Variants in APEH observed in about 807,000 individuals in gnomAD.
APEH encodes the protein acylaminoacyl-peptide hydrolase, also known as acylamino-acid-releasing enzyme.
In APEH, 75 loss-of-function variants were observed where a neutral mutation model predicts 102.7. That is an observed-to-expected ratio of 0.73 (90% CI 0.61 to 0.89). APEH has a LOEUF of 0.89. Among genes scored for constraint, APEH ranks in the 40% least tolerant of loss-of-function variants. APEH has a pLI of 0.00. For missense variants in APEH, 863 were observed against 941.2 expected (o/e 0.92, Z 1.09); for synonymous variants, 344 against 362.7 (o/e 0.95, Z 0.59).
chr3:49,673,829 ACGCT>A (rs1490115116), upstream of APEH, among the ~76,000 whole-genome samples: 1 of 144,882 alleles, frequency 6.9e-6, no homozygotes, highest in African/African-American at 2.8e-5. Context: ...GCTCACGCTC[ACGCT>A]CACGCTCACA....
chr3:49,679,054 CTCA>C lies in APEH; in HGVS notation c.1158+109_1158+111del. 1.1e-6 allele frequency: 1 copy of C among 908,090 alleles called. No homozygotes were observed. Among genetic ancestry groups the C allele is most frequent in the Non-Finnish European group, 1.7e-6 (1 of 589,884 alleles). 56.3% of individuals were successfully genotyped at this position (908,090 alleles called of 1,614,324 possible). On this transcript the variant is annotated intron_variant, in intron 12 of 21. Transcript: ENST00000296456. This position sits in a 1 kb window ranked among gnomAD's most constrained non-coding sequence, Gnocchi z 4.3. Reference sequence around the variant, plus strand: ...TGGGTGGAATGCCCAGCCACAAAGTCTCATCAGCCCCTTAAAACCCTGCCTGCC... The same window carrying C: ...TGGGTGGAATGCCCAGCCACAAAGTCTCAGCCCCTTAAAACCCTGCCTGCC...
In APEH at chr3:49,683,653, T is replaced by G; in HGVS notation, c.*311T>G. The G allele has an allele frequency of 2.1e-6, 1 of 465,872 alleles. No individual in the cohort carries two copies. Among genetic ancestry groups the G allele is most frequent in the Non-Finnish European group, 3.9e-6 (1 of 255,136 alleles). The allele number at this position is 465,872 out of a possible 1,614,324, so 28.9% of individuals were successfully genotyped here. A position where few individuals can be genotyped will look rare whatever the true frequency, so the allele number is the denominator to read the frequency against. On this transcript the variant is annotated 3_prime_UTR_variant, in exon 22 of 22. Coordinates refer to ENST00000296456, the MANE Select transcript of APEH (RefSeq NM_001640.4). The stretch of plus-strand genomic sequence containing the variant: ...GGAGGGAACAGTGAGAGGCTTAGCC[T>G]CTGCCTGTCCTGGCAACCAGGACTC...
Position 49,681,859 on chromosome 3 carries a change from C to A in APEH, c.1523-28C>A, listed in dbSNP as rs772967656. The A allele has an allele frequency of 1.9e-6, 3 of 1,611,618 alleles. No homozygotes were observed. In the South Asian group the frequency reaches 3.3e-5, roughly 18 times the overall value. ...CCTCCCAGCCCTCTTCCTAGCTGGC[C>A]CTTTCACCCTCCGCTCCCTGTCTGC... On this transcript the variant is annotated intron_variant, in intron 16 of 21. Transcript: ENST00000296456.
chr3:49,681,972 G>C lies in APEH; in HGVS notation c.1603+5G>C, dbSNP rs1260112031. 1 of 1,612,276 alleles carries C rather than the reference G, an allele frequency of 6.2e-7. No individual in the cohort carries two copies. The highest frequency in any genetic ancestry group is 1.7e-5 in the Admixed American group (1 of 60,024). On this transcript the variant is annotated splice_donor_5th_base_variant and intron_variant, in intron 17 of 21. Coordinates refer to ENST00000296456, the MANE Select transcript of APEH (RefSeq NM_001640.4). Reference sequence around the variant, plus strand: ...TGGGCTTTGCGGTACTACTAGGTGAGTGAGCAGGGACCCACAGTTCTGTTA... The same window carrying C: ...TGGGCTTTGCGGTACTACTAGGTGACTGAGCAGGGACCCACAGTTCTGTTA...
chr3:49,675,628 G>T lies in APEH; in HGVS notation c.273-66G>T, dbSNP rs2052997964. ...CTCAAGAATCTCTCCTAAGAGGTGT[G>T]CCCAGTAGGGAGCAGGAAGGGGTTA... is the stretch of plus-strand genomic sequence containing the variant. On this transcript the variant is annotated intron_variant, in intron 3 of 21. Coordinates refer to ENST00000296456, the MANE Select transcript of APEH (RefSeq NM_001640.4). The T allele has an allele frequency of 2.1e-6, 3 of 1,446,350 alleles. No individual in the cohort carries two copies. The African/African-American group carries it at 4.2e-5, about 20-fold the overall frequency. The allele number at this position is 1,446,350 out of a possible 1,614,324, so 89.6% of individuals were successfully genotyped here.
rs75318799 is a variant in APEH at position 49,682,569 on chromosome 3, G to C, written c.1716G>C (p.Gln572His). 1,051 of 1,614,122 alleles carry C rather than the reference G, an allele frequency of 6.5e-4. 18 individuals are homozygous for C. The East Asian group carries it at 0.023, about 35-fold the overall frequency. The change falls in exon 19 of 22, where the codon CAG (glutamine) becomes CAC (histidine). Residue 572 changes from glutamine to histidine, a missense_variant. Physicochemically the swap from Gln to His is conservative, Grantham distance 24. Transcript: ENST00000296456. ...DVQFAVEQVL[Q>H]EEHFDASHVA... ...AGTTTGCAGTGGAACAGGTGCTCCAGGAGGAACACTTTGATGCAAGCCATG... is the reference window on the plus strand; with the variant it reads ...AGTTTGCAGTGGAACAGGTGCTCCACGAGGAACACTTTGATGCAAGCCATG...
In APEH at chr3:49,680,631, T is replaced by TA; in HGVS notation, c.1299+2_1299+3insA. On this transcript the variant is annotated splice_region_variant and intron_variant, in intron 14 of 21. Coordinates refer to ENST00000296456, the MANE Select transcript of APEH (RefSeq NM_001640.4). ...ACACCCAGCCTACCTCCAACCCTGG[T>TA]GAGTGTCGGTGGGTCCCAGGCTGTG... 6.2e-7 allele frequency: 1 copy of TA among 1,613,354 alleles called. No individual in the cohort carries two copies. Among genetic ancestry groups the TA allele is most frequent in the Non-Finnish European group, 8.5e-7 (1 of 1,179,550 alleles).
At chr3:49,674,453 C>CG in intron 1 of APEH, 36 bp from the exon 2 acceptor site, 1 of 1,570,414 alleles carries the variant, frequency 6.4e-7, no homozygotes, top group African/African-American at 1.3e-5. Flanking sequence ...CCCTGCAGCC[C>CG]GGGCCGGGCC....
In APEH at chr3:49,679,526, G is replaced by A; in HGVS notation, c.1159-67G>A. 1 of 1,542,986 alleles carries A rather than the reference G, an allele frequency of 6.5e-7. No homozygotes were observed. ...CCAAGAGGGTAGAGAGGAGGTAGGG[G>A]AGGGACCCATAGGTAGAGGGAGTAC... On this transcript the variant is annotated intron_variant, in intron 12 of 21. Transcript: ENST00000296456. The surrounding 1 kb of genome is among the most constrained non-coding windows in gnomAD (Gnocchi z 4.3).
rs777050847 is a variant in APEH, at chr3:49,675,685, T to C, written c.273-9T>C. 20 of 1,611,838 alleles carry C rather than the reference T, an allele frequency of 1.2e-5. No individual in the cohort carries two copies. The highest frequency in any genetic ancestry group is 1.7e-5 in the Non-Finnish European group (20 of 1,178,176). On this transcript the variant is annotated splice_polypyrimidine_tract_variant and intron_variant, in intron 3 of 21. Transcript: ENST00000296456. ...GATAATCCTGACCTGTGCTACCCCA[T>C]GTCCACAGACTGCTGAGCAGAGAGT...
Position 49,679,448 on chromosome 3 carries a change from C to T in APEH, c.1159-145C>T. The T allele has an allele frequency of 1.3e-6, 1 of 796,428 alleles. No homozygotes were observed. Among genetic ancestry groups the T allele is most frequent in the Admixed American group, 2.0e-5 (1 of 50,776 alleles). The allele number at this position is 796,428 out of a possible 1,614,324, so 49.3% of individuals were successfully genotyped here. A position where few individuals can be genotyped will look rare whatever the true frequency, so the allele number is the denominator to read the frequency against. ...CAGGCCCTCACACTACTCCCTACTG[C>T]ACTGAGTAACCATCACCATAGCTGT... On this transcript the variant is annotated intron_variant, in intron 12 of 21. Transcript: ENST00000296456. This position sits in a 1 kb window ranked among gnomAD's most constrained non-coding sequence, Gnocchi z 4.3.
rs1290916097 is a variant in APEH, at chr3:49,677,055, G to A, written c.999+31G>A. Reference sequence around the variant, plus strand: ...CTGGAGGTGGCAGGGATGGGAGGGTGGTCAGCAAGAAGATGGGATGGTGGA... The same window carrying A: ...CTGGAGGTGGCAGGGATGGGAGGGTAGTCAGCAAGAAGATGGGATGGTGGA... On this transcript the variant is annotated intron_variant, in intron 10 of 21. Coordinates refer to ENST00000296456, the MANE Select transcript of APEH (RefSeq NM_001640.4). The A allele has an allele frequency of 2.5e-6, 4 of 1,613,386 alleles. No homozygotes were observed. In the East Asian group the frequency reaches 8.9e-5, roughly 36 times the overall value.
rs774015404 is a variant in APEH, at chr3:49,681,966, A to T, written c.1602A>T (p.Leu534=). The T allele has an allele frequency of 6.2e-7, 1 of 1,613,170 alleles. No individual in the cohort carries two copies. The highest frequency in any genetic ancestry group is 1.1e-5 in the South Asian group (1 of 91,072). Residue 534 remains leucine, a splice_region_variant and synonymous_variant, in exon 17 of 22, where the codon CTA becomes CTT. Transcript: ENST00000296456. ...MLCKMGFAVL[L]VNYRGSTGFG... is the part of the protein sequence containing the mutation. The stretch of plus-strand genomic sequence containing the variant: ...GCAAGATGGGCTTTGCGGTACTACT[A>T]GGTGAGTGAGCAGGGACCCACAGTT...
In APEH at chr3:49,682,099, C is replaced by T. The variant is rs1432478538; in HGVS notation, c.1603+132C>T. 23 of 1,062,186 alleles carry T rather than the reference C, an allele frequency of 2.2e-5. No individual in the cohort carries two copies. In the Admixed American group the frequency reaches 4.7e-4, roughly 22 times the overall value. 65.8% of individuals were successfully genotyped at this position (1,062,186 alleles called of 1,614,324 possible). ...TCTAGCCTAGACCTAGTAACCACTA[C>T]CAGGAACTGCTGGGGCCCAGCCTCT... On this transcript the variant is annotated intron_variant, in intron 17 of 21. Coordinates refer to ENST00000296456, the MANE Select transcript of APEH (RefSeq NM_001640.4).
At position 49,681,723 on chromosome 3, in the gene APEH, T is replaced by C. The variant is rs2053327684; in HGVS notation, c.1440T>C (p.Ala480=). ...CTGACTGCTGCCCTCTCCCTGCAGCTGGCCTTGACTTTGAAGCAATCCTGC... is the reference window on the plus strand; with the variant it reads ...CTGACTGCTGCCCTCTCCCTGCAGCCGGCCTTGACTTTGAAGCAATCCTGC... ...PPPEQENVQY[A]GLDFEAILLQ... Residue 480 remains alanine, a splice_region_variant and synonymous_variant, in exon 16 of 22, where the codon GCT becomes GCC. Coordinates refer to ENST00000296456, the MANE Select transcript of APEH (RefSeq NM_001640.4). 1.3e-6 allele frequency: 2 copies of C among 1,580,576 alleles called. No homozygotes were observed. The highest frequency in any genetic ancestry group is 2.7e-5 in the African/African-American group (2 of 74,424).
At chr3:49,674,165 C>A (rs1398236996), upstream of APEH, 3 of 565,220 alleles carry the variant, frequency 5.3e-6, no homozygotes, top group African/African-American at 4.0e-5. Flanking sequence ...CTAGTCCGCC[C>A]CTGGCGAGAC....
chr3:49,674,668 G>A, intron 2 of APEH, 47 bp downstream of exon 2: 1 of 1,578,850 alleles, frequency 6.3e-7, no homozygotes, highest in South Asian at 1.1e-5. Flanking sequence ...CGCGCACTGG[G>A]GTGGGAAGGA....
intron 13 of APEH, chr3:49,680,263 C>A (rs1053199187): frequency 1.2e-5 from 5 of 427,374 alleles, no homozygotes; most frequent in Non-Finnish European, 1.8e-5. Flanking sequence ...CCACCCTGCA[C>A]ACAGCAGCCA....
At position 49,682,366 on chromosome 3, in the gene APEH, C is replaced by T. The variant is rs3816877; in HGVS notation, c.1622C>T (p.Thr541Met). The T allele has an allele frequency of 1.2e-3, 1,991 of 1,613,666 alleles. 25 individuals are homozygous for T. In the East Asian group the frequency reaches 0.032, roughly 26 times the overall value. ...CCCTCAGTGAACTATCGTGGCTCCA[C>T]GGGCTTTGGCCAGGACAGCATCCTC... ...AVLLVNYRGS[T>M]GFGQDSILSL... Residue 541 changes from threonine to methionine, a missense_variant, in exon 18 of 22, where the codon ACG (threonine) becomes ATG (methionine). Physicochemically the swap from Thr to Met is moderately conservative, Grantham distance 81 (BLOSUM62 -1). Coordinates refer to ENST00000296456, the MANE Select transcript of APEH (RefSeq NM_001640.4).
Sources: gnomAD v4.1 joint callset for allele counts (sites outside exome capture counted in the v4.1 genomes callset) on GRCh38, gnomAD v4.1.1 for gene constraint, Gnocchi (gnomAD v3.1) non-coding constraint, MANE v1.5 for transcripts, NCBI Gene and HGNC (gene_info 2026-07-23, HGNC 2026-07-21) for gene names.